The following SAXO1 variants were observed in gnomAD, a reference collection of about 807,000 sequenced individuals.
SAXO1 encodes stabilizer of axonemal microtubules 1.
SAXO1 carries 21 observed loss-of-function variants against 17.5 expected under a neutral mutation model. The observed-to-expected ratio is 1.20, with a 90% CI of 0.85 to 1.72. SAXO1 has a LOEUF of 1.72. Among genes scored for constraint, SAXO1 ranks in the 40% most tolerant of loss-of-function variants. SAXO1 has a pLI of 0.00. For synonymous variants in SAXO1, 274 were observed against 216.5 expected, an observed-to-expected ratio of 1.27 and a Z score of -2.33; for missense variants, 843 against 596.0, an observed-to-expected ratio of 1.41 and a Z score of -4.32.
intron 1 of SAXO1, among the ~76,000 whole-genome samples, chr9:18,961,367 C>T (rs1312457543): frequency 1.3e-5 from 2 of 152,066 alleles, no homozygotes; most frequent in African/African-American, 4.8e-5. Flanking sequence ...ACTTTAAGTT[C>T]TGGGATACAT....
intron 1 of SAXO1, among the ~76,000 whole-genome samples, chr9:18,968,038 C>T (rs1017363730): frequency 2.0e-5 from 3 of 152,176 alleles, no homozygotes; most frequent in African/African-American, 2.4e-5. Flanking sequence ...GGTGAGGCGA[C>T]GCCCCACCCT....
chr9:18,939,265 G>C (rs1278014918), intron 3 of SAXO1, among the ~76,000 whole-genome samples: 1 of 152,180 alleles, frequency 6.6e-6, no homozygotes, highest in African/African-American at 2.4e-5. Flanking sequence ...GATTAAAAAG[G>C]AGAAGAATGC....
At chr9:18,990,664 C>A (rs974659476) in intron 1 of SAXO1, among the ~76,000 whole-genome samples, 1 of 152,180 alleles carries the variant, frequency 6.6e-6, no homozygotes, top group Admixed American at 6.5e-5. Flanking sequence ...GGCAGGCGAG[C>A]AAGTGAAGCT....
rs543109723 is a variant in SAXO1 at position 19,041,880 on chromosome 9, T to G, written c.-158+7329A>C. 9.7e-4 allele frequency among the ~76,000 whole-genome samples: 147 copies of G among 152,286 alleles called. 1 individual carries two copies. Among genetic ancestry groups the G allele is most frequent in the Non-Finnish European group, 1.7e-3 (113 of 68,020 alleles). On this transcript the variant is annotated intron_variant, in intron 1 of 3. Coordinates refer to the SAXO1 transcript ENST00000542071. ...TGGAAAACTCTCCAGAACATTGGTC[T>G]GGACAAAAACTTCTTGAGTAATACC...
chr9:18,958,321 G>A (rs1202925264), intron 1 of SAXO1, among the ~76,000 whole-genome samples: 1 of 152,170 alleles, frequency 6.6e-6, no homozygotes, highest in African/African-American at 2.4e-5. Flanking sequence ...CTACTCGGGA[G>A]GCTGAGGCAG....
chr9:18,937,173 G>T (rs1325052978), intron 3 of SAXO1, among the ~76,000 whole-genome samples: 2 of 152,166 alleles, frequency 1.3e-5, no homozygotes, highest in East Asian at 3.9e-4. Flanking sequence ...AAGAGATAAG[G>T]GCGTGACCCC....
chr9:18,948,261 T>C (rs1588425193), intron 2 of SAXO1, among the ~76,000 whole-genome samples: 1 of 152,322 alleles, frequency 6.6e-6, no homozygotes, highest in East Asian at 1.9e-4. Flanking sequence ...GGCACAGGGT[T>C]GAGAAATAAT....
chr9:18,933,832 G>A (rs1831161310), intron 3 of SAXO1, among the ~76,000 whole-genome samples: 1 of 152,166 alleles, frequency 6.6e-6, no homozygotes, highest in African/African-American at 2.4e-5. Flanking sequence ...TGATCACGAG[G>A]TCAGGAGATC....
intron 2 of SAXO1, among the ~76,000 whole-genome samples, chr9:18,944,121 G>A (rs1831695823): frequency 6.6e-6 from 1 of 151,922 alleles, no homozygotes; most frequent in Admixed American, 6.6e-5. Context: ...GCCTTTTCCA[G>A]TATAAAATTT....
chr9:19,014,159 G>C (rs1197948242), intron 1 of SAXO1, among the ~76,000 whole-genome samples: 1 of 151,954 alleles, frequency 6.6e-6, no homozygotes, highest in Non-Finnish European at 1.5e-5. Flanking sequence ...AACTATCAAA[G>C]GCTTTAAATT....
At chr9:18,968,000 G>T (rs893396346) in intron 1 of SAXO1, among the ~76,000 whole-genome samples, 2 of 152,164 alleles carry the variant, frequency 1.3e-5, no homozygotes, top group Non-Finnish European at 2.9e-5. Flanking sequence ...GCTAAGTGAG[G>T]GAGTTCCCCA....
intron 1 of SAXO1, among the ~76,000 whole-genome samples, chr9:18,984,212 A>G (rs1272904064): frequency 6.6e-6 from 1 of 152,234 alleles, no homozygotes; most frequent in Non-Finnish European, 1.5e-5. Flanking sequence ...TTCCATTTAT[A>G]GGGCATAGGC....
intron 1 of SAXO1, among the ~76,000 whole-genome samples, chr9:19,043,249 A>T (rs532061969): frequency 6.6e-6 from 1 of 152,310 alleles, no homozygotes; most frequent in East Asian, 1.9e-4. Flanking sequence ...TTGCAACAAC[A>T]TGGATGGAAC....
At chr9:18,941,036 G>A (rs1164413939) in intron 3 of SAXO1, among the ~76,000 whole-genome samples, 1 of 152,120 alleles carries the variant, frequency 6.6e-6, no homozygotes, top group Admixed American at 6.5e-5. Flanking sequence ...TTTGTTCAGT[G>A]CAAATTTATT....
intron 1 of SAXO1, among the ~76,000 whole-genome samples, chr9:18,972,931 C>T (rs1304988848): frequency 6.6e-6 from 1 of 152,090 alleles, no homozygotes; most frequent in South Asian, 2.1e-4. Flanking sequence ...CAACAGCCTC[C>T]GGTACTCAGG....
chr9:18,994,692 G>T (rs1022060888), intron 1 of SAXO1, among the ~76,000 whole-genome samples: 4 of 152,138 alleles, frequency 2.6e-5, no homozygotes, highest in Non-Finnish European at 5.9e-5. Context: ...CTCCTCTCCC[G>T]GCCTTAGTTG....
intron 1 of SAXO1, among the ~76,000 whole-genome samples, chr9:18,969,099 C>T (rs1307362246): frequency 6.6e-6 from 1 of 151,890 alleles, no homozygotes; most frequent in Admixed American, 6.6e-5. Context: ...GTATACAAAT[C>T]CCTAAGCAGT....
intron 1 of SAXO1, among the ~76,000 whole-genome samples, chr9:18,986,957 T>C (rs1386236087): frequency 2.0e-5 from 3 of 152,220 alleles, no homozygotes; most frequent in African/African-American, 4.8e-5. Flanking sequence ...AAAGACTTCA[T>C]GTGGGCTAGC....
intron 1 of SAXO1, among the ~76,000 whole-genome samples, chr9:19,004,079 G>A (rs1250163181): frequency 6.6e-6 from 1 of 152,176 alleles, no homozygotes; most frequent in African/African-American, 2.4e-5. Flanking sequence ...CAAAGGCTAT[G>A]AACAGACACT....
Sources: allele counts gnomAD v4.1 joint callset (sites outside exome capture counted in the v4.1 genomes callset), GRCh38; gene constraint gnomAD v4.1.1; transcripts MANE v1.5; gene names NCBI Gene and HGNC (gene_info 2026-07-23, HGNC 2026-07-21).